MAN2A1: variants seen among roughly 807,000 people sequenced by gnomAD.
MAN2A1 encodes the protein alpha-mannosidase 2.
Under a neutral mutation model 142.6 loss-of-function variants are expected in MAN2A1, and 76 were observed. That is an observed-to-expected ratio of 0.53 (90% CI 0.44 to 0.65). The LOEUF (loss-of-function observed/expected upper bound fraction) is 0.65. Among genes scored for constraint, MAN2A1 ranks in the 30% least tolerant of loss-of-function variants. The pLI is 0.00. For missense variants in MAN2A1, 1,311 were observed against 1,365.1 expected (o/e 0.96, Z 0.62); for synonymous variants, 559 against 473.2 (o/e 1.18, Z -2.35).
intron 1 of MAN2A1, among the ~76,000 whole-genome samples, chr5:109,703,116 G>T (rs911201444): frequency 1.3e-5 from 2 of 152,152 alleles, no homozygotes; most frequent in Non-Finnish European, 2.9e-5. Flanking sequence ...AACTATTTCT[G>T]TATGAAAAAC....
Position 109,846,000 on chromosome 5 carries a change from A to C in MAN2A1, c.2836A>C (p.Asn946His). Reference protein sequence around the residue: ...SAQSLGVSSLNSGQIEVIMDR... With the variant: ...SAQSLGVSSLHSGQIEVIMDR... ...TCAGTCATTAGGGGTTTCGAGTTTG[A>C]ATAGTGGTATGTATTGCTTACACTC... Residue 946 changes from asparagine (N) to histidine (H), a missense_variant, in exon 18 of 22, where the codon AAT becomes CAT. Around this residue, in one of 3 missense-constraint regions of MAN2A1, gnomAD observed 890 missense variants for 920.5 expected, o/e 0.97. Transcript: ENST00000261483. The C allele has an allele frequency of 6.2e-7, 1 of 1,611,666 alleles. No homozygotes were observed. Among genetic ancestry groups the C allele is most frequent in the Non-Finnish European group, 8.5e-7 (1 of 1,178,814 alleles).
intron 20 of MAN2A1, among the ~76,000 whole-genome samples, chr5:109,861,055 A>G (rs868669561): frequency 2.6e-5 from 4 of 152,210 alleles, no homozygotes; most frequent in Admixed American, 6.5e-5. Flanking sequence ...TTAAAAGCTT[A>G]AACTTTGGAG....
chr5:109,750,529 C>T (rs1481423958), intron 4 of MAN2A1, among the ~76,000 whole-genome samples: 2 of 151,978 alleles, frequency 1.3e-5, no homozygotes, highest in Non-Finnish European at 2.9e-5. Flanking sequence ...TCTTTTCTTC[C>T]ATGGGATGTT....
chr5:109,838,994 T>C (rs1191586996), intron 16 of MAN2A1, among the ~76,000 whole-genome samples: 1 of 152,220 alleles, frequency 6.6e-6, no homozygotes, highest in Non-Finnish European at 1.5e-5. Context: ...TTAATGATGT[T>C]CTCTTTTGTT....
At chr5:109,850,326 C>T (rs912521451) in intron 19 of MAN2A1, among the ~76,000 whole-genome samples, 1 of 152,094 alleles carries the variant, frequency 6.6e-6, no homozygotes, top group Non-Finnish European at 1.5e-5. Context: ...TGTTGCATTC[C>T]TCCTACTAGA....
At chr5:109,771,441 G>A (rs1753142552) in intron 7 of MAN2A1, among the ~76,000 whole-genome samples, 1 of 152,110 alleles carries the variant, frequency 6.6e-6, no homozygotes, top group Non-Finnish European at 1.5e-5. Context: ...GATTTTCTTT[G>A]TGAGCCTCTC....
At chr5:109,811,485 T>C (rs1754315761) in intron 12 of MAN2A1, among the ~76,000 whole-genome samples, 1 of 152,158 alleles carries the variant, frequency 6.6e-6, no homozygotes, top group Non-Finnish European at 1.5e-5. Context: ...TTTCATTTTC[T>C]GCGTATATTA....
intron 7 of MAN2A1, among the ~76,000 whole-genome samples, chr5:109,772,573 A>G (rs993144895): frequency 6.6e-6 from 1 of 152,030 alleles, no homozygotes; most frequent in Non-Finnish European, 1.5e-5. Context: ...ACAATGACAC[A>G]ATAGCTCACT....
chr5:109,717,921 A>G (rs927402617), intron 3 of MAN2A1, among the ~76,000 whole-genome samples: 1 of 152,234 alleles, frequency 6.6e-6, no homozygotes, highest in African/African-American at 2.4e-5. Flanking sequence ...GGGGATGCAT[A>G]TGAAAAACAC....
chr5:109,726,253 A>T lies in MAN2A1; in HGVS notation c.536-3089A>T, dbSNP rs146417524. Among the ~76,000 whole-genome samples, 360 of 152,312 alleles carry T rather than the reference A, an allele frequency of 2.4e-3. 1 individual carries two copies. Among genetic ancestry groups the T allele is most frequent in the African/African-American group, 8.3e-3 (344 of 41,560 alleles). ...ATTCATCCCCTACCACTTTTTATAAAATACTATATTTCTGGTTGGTCTCAT... is the reference window on the plus strand; with the variant it reads ...ATTCATCCCCTACCACTTTTTATAATATACTATATTTCTGGTTGGTCTCAT... On this transcript the variant is annotated intron_variant, in intron 3 of 21. Coordinates refer to ENST00000261483, the MANE Select transcript of MAN2A1 (RefSeq NM_002372.4).
intron 17 of MAN2A1, among the ~76,000 whole-genome samples, chr5:109,844,633 A>G (rs1187244443): frequency 6.6e-6 from 1 of 152,220 alleles, no homozygotes; most frequent in Non-Finnish European, 1.5e-5. Flanking sequence ...TGGCAGGGCC[A>G]TATTCCCTCC....
At chr5:109,825,239 C>A (rs10051841) in intron 16 of MAN2A1, among the ~76,000 whole-genome samples, 20,111 of 152,144 alleles carry the variant, frequency 0.13, 1,751 homozygotes, top group African/African-American at 0.25. Context: ...TAGCATTACC[C>A]CACAGAAGAT....
intron 12 of MAN2A1, among the ~76,000 whole-genome samples, chr5:109,815,294 C>G (rs1322279653): frequency 1.3e-5 from 2 of 152,150 alleles, no homozygotes; most frequent in African/African-American, 4.8e-5. Context: ...TGAGGTAAGT[C>G]TGTTGAGTAT....
At chr5:109,751,240 A>T (rs1459711528) in intron 4 of MAN2A1, among the ~76,000 whole-genome samples, 1 of 152,012 alleles carries the variant, frequency 6.6e-6, no homozygotes, top group Non-Finnish European at 1.5e-5. Context: ...TATGAGTGAG[A>T]ACATAGGATA....
chr5:109,725,125 G>T (rs150005578), intron 3 of MAN2A1, among the ~76,000 whole-genome samples: 1 of 152,134 alleles, frequency 6.6e-6, no homozygotes, highest in East Asian at 1.9e-4. Context: ...GTACACAGAG[G>T]CCCACATACC....
chr5:109,752,026 A>C (rs772139505), intron 4 of MAN2A1, among the ~76,000 whole-genome samples: 26 of 152,188 alleles, frequency 1.7e-4, no homozygotes, highest in Admixed American at 4.6e-4. Context: ...CATTACTACA[A>C]AGTGACTTCC....
chr5:109,833,319 G>A (rs180985870), intron 16 of MAN2A1, among the ~76,000 whole-genome samples: 2,023 of 152,196 alleles, frequency 0.013, 36 homozygotes, highest in African/African-American at 0.046. Flanking sequence ...CAAGGCAGGC[G>A]GCTGGGAGGT....
intron 4 of MAN2A1, among the ~76,000 whole-genome samples, chr5:109,747,154 T>C (rs1752429687): frequency 6.6e-6 from 1 of 152,172 alleles, no homozygotes; most frequent in Admixed American, 6.5e-5. Flanking sequence ...GTCCCTTCTT[T>C]CCATCTCCAG....
chr5:109,725,488 G>C (rs922687328), intron 3 of MAN2A1, among the ~76,000 whole-genome samples: 2 of 152,216 alleles, frequency 1.3e-5, no homozygotes, highest in East Asian at 3.8e-4. Flanking sequence ...CTGATGGGGA[G>C]AGACTTATAA....
Sources: gnomAD v4.1 joint callset for allele counts (sites outside exome capture counted in the v4.1 genomes callset) on GRCh38, gnomAD v4.1.1 for gene constraint, gnomAD v4.1.1 regional missense constraint, MANE v1.5 for transcripts, NCBI Gene and HGNC (gene_info 2026-07-23, HGNC 2026-07-21) for gene names.